Variants in AFF3 observed in about 807,000 individuals in gnomAD.
The protein encoded by AFF3 is ALF transcription elongation factor 3.
A neutral mutation model predicts 129.7 loss-of-function variants in AFF3; 32 were observed. The observed-to-expected ratio is 0.25, with a 90% CI of 0.19 to 0.33. The LOEUF (loss-of-function observed/expected upper bound fraction) is 0.33. AFF3 is among the 10% of genes least tolerant of loss of function. The pLI is 1.00. For synonymous variants in AFF3, 644 were observed against 635.4 expected (o/e 1.01, Z -0.20); for missense variants, 1,373 against 1,592.0 (o/e 0.86, Z 2.34).
chr2:99,563,084 G>C (rs941847179), intron 20 of AFF3, among the ~76,000 whole-genome samples: 2 of 152,114 alleles, frequency 1.3e-5, no homozygotes, highest in African/African-American at 4.8e-5. Flanking sequence ...AGGTCATCTT[G>C]GTGGTGAGAA....
At chr2:99,804,522 T>C (rs928059492) in intron 8 of AFF3, among the ~76,000 whole-genome samples, 2 of 152,208 alleles carry the variant, frequency 1.3e-5, no homozygotes, top group Non-Finnish European at 2.9e-5. Context: ...TGGAAAACAG[T>C]ATGGTGATTT....
At chr2:100,136,442 G>A (rs1692645068) in intron 1 of AFF3, among the ~76,000 whole-genome samples, 2 of 152,186 alleles carry the variant, frequency 1.3e-5, no homozygotes, top group Admixed American at 1.3e-4. Flanking sequence ...AGAAGTGAAT[G>A]TGTCAAATCA....
chr2:99,570,098 G>A lies in AFF3; in HGVS notation c.2919-1183C>T, dbSNP rs542868517. On this transcript the variant is annotated intron_variant, in intron 18 of 24. Transcript: ENST00000672756. Reference sequence around the variant, plus strand: ...ATGCCCCCCTCTGAGGGCTGGAGCCGTCCATTCATTGTGGTGGGTCTTTCA... The same window carrying A: ...ATGCCCCCCTCTGAGGGCTGGAGCCATCCATTCATTGTGGTGGGTCTTTCA... Among the ~76,000 whole-genome samples the A allele has an allele frequency of 1.1e-4, 16 of 152,254 alleles. No homozygotes were observed. The South Asian group carries it at 2.3e-3, about 22-fold the overall frequency.
chr2:99,837,578 A>G, intron 7 of AFF3, 54 bp from the exon 8 acceptor site: 1 of 1,543,562 alleles, frequency 6.5e-7, no homozygotes, highest in South Asian at 1.1e-5. Context: ...ATGACCACAC[A>G]GAAGACATGC....
chr2:99,771,561 C>T (rs1683493761), intron 8 of AFF3, among the ~76,000 whole-genome samples: 1 of 152,064 alleles, frequency 6.6e-6, no homozygotes, highest in African/African-American at 2.4e-5. Flanking sequence ...TGCAAAGTTC[C>T]AACAAAAGCA....
At chr2:99,764,261 G>C (rs1682834371) in intron 8 of AFF3, among the ~76,000 whole-genome samples, 1 of 152,082 alleles carries the variant, frequency 6.6e-6, no homozygotes, top group Non-Finnish European at 1.5e-5. Context: ...TGCCACTGGA[G>C]ACCCTACCTT....
At chr2:99,647,694 G>T (rs1684814916) in intron 13 of AFF3, among the ~76,000 whole-genome samples, 1 of 152,158 alleles carries the variant, frequency 6.6e-6, no homozygotes. Flanking sequence ...CACAGAGAAG[G>T]TAGCTTTACA....
rs1210697198 is a variant in AFF3, at chr2:99,858,709, T to C, written c.874-21185A>G. Among the ~76,000 whole-genome samples, 9 of 152,074 alleles carry C rather than the reference T, an allele frequency of 5.9e-5. No individual in the cohort carries two copies. The East Asian group carries it at 1.7e-3, about 29-fold the overall frequency. ...GTGGGAGCTAAATGATGAGAACACA[T>C]GGACACATAGAGGGGAAAAACAGTC... On this transcript the variant is annotated intron_variant, in intron 7 of 24. Transcript: ENST00000672756.
chr2:99,848,497 G>A (rs930369942), intron 7 of AFF3, among the ~76,000 whole-genome samples: 1 of 152,080 alleles, frequency 6.6e-6, no homozygotes, highest in Non-Finnish European at 1.5e-5. Context: ...GAATATTAGA[G>A]TATAGAATTG....
chr2:100,105,764 C>CCCTGACTCT (rs1451467321), intron 2 of AFF3, 181 bp from the exon 3 acceptor site: 1 of 1,360,732 alleles, frequency 7.3e-7, no homozygotes, highest in East Asian at 3.7e-5. Context: ...CTCCAAGGCC[C>CCCTGACTCT]CCTGACTCTC....
chr2:100,064,183 A>G (rs1687534320), intron 4 of AFF3, among the ~76,000 whole-genome samples: 1 of 152,218 alleles, frequency 6.6e-6, no homozygotes, highest in South Asian at 2.1e-4. Context: ...TGATAAAGAA[A>G]AGAGATGTTA....
chr2:100,128,235 G>T (rs189755485), intron 2 of AFF3, among the ~76,000 whole-genome samples: 18 of 152,172 alleles, frequency 1.2e-4, no homozygotes, highest in Non-Finnish European at 2.1e-4. Context: ...ATTCCTTCAC[G>T]TTTTTAATAA....
At chr2:99,898,181 T>C (rs763161475) in intron 7 of AFF3, among the ~76,000 whole-genome samples, 5 of 152,384 alleles carry the variant, frequency 3.3e-5, no homozygotes, top group Admixed American at 6.5e-5. Flanking sequence ...TGAGTGCTCA[T>C]TCCCTTCATT....
intron 24 of AFF3, among the ~76,000 whole-genome samples, chr2:99,553,012 A>C (rs913218927): frequency 2.0e-5 from 3 of 152,102 alleles, no homozygotes; most frequent in Non-Finnish European, 4.4e-5. Flanking sequence ...GGCTGTCTGC[A>C]ACCACTGCCC....
chr2:100,106,068 C>T lies in AFF3; in HGVS notation c.-144-485G>A, dbSNP rs1246298392. The T allele has an allele frequency of 1.3e-5, 17 of 1,308,000 alleles. No individual in the cohort carries two copies. The Admixed American group carries it at 3.9e-4, about 30-fold the overall frequency. The allele number at this position is 1,308,000 out of a possible 1,614,324, so 81.0% of individuals were successfully genotyped here. ...CGAATGAGGATTAACAAACTCAATT[C>T]AGGACACAGGTAGAAGACCAAAAGG... On this transcript the variant is annotated intron_variant, in intron 2 of 24. Coordinates refer to ENST00000672756, the MANE Select transcript of AFF3 (RefSeq NM_001386135.1).
At chr2:99,762,163 C>T (rs1230767844) in intron 8 of AFF3, among the ~76,000 whole-genome samples, 2 of 149,034 alleles carry the variant, frequency 1.3e-5, no homozygotes, top group Non-Finnish European at 3.0e-5. Flanking sequence ...CTCGCTCTGT[C>T]ACCCAGGCTA....
chr2:99,936,166 G>A (rs543636111), intron 7 of AFF3, among the ~76,000 whole-genome samples: 6 of 152,214 alleles, frequency 3.9e-5, no homozygotes, highest in African/African-American at 1.4e-4. Context: ...GGGTATTTAC[G>A]AGCTGGGTAT....
rs183642588 is a variant in AFF3, at chr2:100,057,819, T to C, written c.53+46583A>G. On this transcript the variant is annotated intron_variant, in intron 4 of 24. Transcript: ENST00000672756. ...AACCAGCATTTATAACAAACATAAT[T>C]TGTGAGCTGCTCTGGAAAGAAATGC... 3.7e-3 allele frequency among the ~76,000 whole-genome samples: 556 copies of C among 152,322 alleles called. 4 individuals are homozygous for C. The highest frequency in any genetic ancestry group is 0.013 in the African/African-American group (531 of 41,566).
At chr2:99,998,414 CCA>C (rs1681054370) in intron 7 of AFF3, among the ~76,000 whole-genome samples, 1 of 152,036 alleles carries the variant, frequency 6.6e-6, no homozygotes, top group East Asian at 1.9e-4. Flanking sequence ...AGCAGGGATG[CCA>C]CAGAGAGCAT....
Sources: gnomAD v4.1 joint callset for allele counts (sites outside exome capture counted in the v4.1 genomes callset) on GRCh38, gnomAD v4.1.1 for gene constraint, MANE v1.5 for transcripts, NCBI Gene and HGNC (gene_info 2026-07-23, HGNC 2026-07-21) for gene names.